Variants in SEC16A observed in about 807,000 individuals in gnomAD.
SEC16A encodes protein transport protein Sec16A.
A neutral mutation model predicts 221.9 loss-of-function variants in SEC16A; 110 were observed. The ratio of observed to expected loss-of-function variants is 0.50; its 90% CI spans 0.42 to 0.58. The LOEUF (loss-of-function observed/expected upper bound fraction) is 0.58, where lower values mean the gene tolerates loss of function less well. Ranked by LOEUF, SEC16A falls within the 20% of genes least tolerant of loss-of-function variation. The probability of loss-of-function intolerance (pLI) is 0.00; values close to 1 mark genes in which losing one functional copy is unlikely to be tolerated. For synonymous variants in SEC16A, 1,393 were observed against 1,257.7 expected (o/e 1.11, Z -2.28); for missense variants, 3,165 against 3,097.8 (o/e 1.02, Z -0.52).
At chr9:136,458,230 A>ATC (rs1403109832) in intron 17 of SEC16A, among the ~76,000 whole-genome samples, 5 of 151,484 alleles carry the variant, frequency 3.3e-5, no homozygotes, top group Non-Finnish European at 7.4e-5. Flanking sequence ...TGGCCTCCTA[A>ATC]AGTGCTGGGA....
chr9:136,473,963 CACT>C (rs1841256051), intron 3 of SEC16A, 83 bp downstream of exon 3: 1 of 1,412,162 alleles, frequency 7.1e-7, no homozygotes, highest in Non-Finnish European at 9.6e-7. Context: ...AGCGAACAAA[CACT>C]ACTAAGGAAT....
In SEC16A at chr9:136,451,294, C is replaced by T. The variant is rs747203873; in HGVS notation, c.6274G>A (p.Gly2092Arg). ...TTCGTTTCTTTCTTGGCTGCCTGTC[C>T]GGGTCTCTTTGTTTCGGGAGCGGGT... ...LSPAPETKRP[G>R]QAAKKETKEP... Residue 2092 changes from glycine to arginine, a missense_variant, in exon 23 of 32, where the codon GGA becomes AGA. Coordinates refer to ENST00000684901, the MANE Select transcript of SEC16A (RefSeq NM_014866.2). 18 of 1,613,052 alleles carry T rather than the reference C, an allele frequency of 1.1e-5. No individual in the cohort carries two copies. The highest frequency in any genetic ancestry group is 2.2e-5 in the East Asian group (1 of 44,878).
Position 136,451,415 on chromosome 9 carries a change from C to A in SEC16A, c.6160-7G>T, listed in dbSNP as rs1377183544. The A allele has an allele frequency of 6.3e-7, 1 of 1,588,354 alleles. No individual in the cohort carries two copies. ...GCACCGTCCTCGAGGGGGTCTGTCG[C>A]AAGGAAATGCAGAACAGGCTCTCCT... On this transcript the variant is annotated splice_region_variant and splice_polypyrimidine_tract_variant and intron_variant, in intron 22 of 31. Transcript: ENST00000684901.
intron 5 of SEC16A, among the ~76,000 whole-genome samples, chr9:136,467,406 TG>T (rs1840297500): frequency 6.6e-6 from 1 of 152,236 alleles, no homozygotes; most frequent in Non-Finnish European, 1.5e-5. Flanking sequence ...GGTCTTACTA[TG>T]TTTCGCAGGC....
chr9:136,462,328 A>T (rs1190672913), intron 12 of SEC16A, among the ~76,000 whole-genome samples: 1 of 152,086 alleles, frequency 6.6e-6, no homozygotes, highest in African/African-American at 2.4e-5. Flanking sequence ...TGCTGCAGTC[A>T]CTATGGACCC....
At position 136,451,350 on chromosome 9, in the gene SEC16A, G is replaced by A. The variant is rs768367463; in HGVS notation, c.6218C>T (p.Ser2073Leu). ...AGACAGAGGTGGCTGCGTGGGACCC[G>A]AGTCGGCACGATCCCACCCTGGGGG... is the stretch of plus-strand genomic sequence containing the variant. ...EAPPGWDRADSGPTQPPLSLS... is the reference protein window; with the variant it reads ...EAPPGWDRADLGPTQPPLSLS... The change falls in exon 23 of 32, where the codon TCG (serine) becomes TTG (leucine). Residue 2073 changes from serine (S) to leucine (L), a missense_variant. By Grantham distance (145) the Ser-to-Leu change is moderately radical. Coordinates refer to ENST00000684901, the MANE Select transcript of SEC16A (RefSeq NM_014866.2). The A allele has an allele frequency of 2.0e-5, 32 of 1,613,486 alleles. No homozygotes were observed. Among genetic ancestry groups the A allele is most frequent in the Non-Finnish European group, 1.9e-5 (23 of 1,179,748 alleles).
rs1589007601 is a variant in SEC16A, at chr9:136,475,846, C to T, written c.1770G>A (p.Gln590=). Residue 590 remains glutamine, a synonymous_variant, in exon 3 of 32, where the codon CAG becomes CAA. Coordinates refer to ENST00000684901, the MANE Select transcript of SEC16A (RefSeq NM_014866.2). This position sits in a 1 kb window ranked among gnomAD's most constrained non-coding sequence, Gnocchi z 5.0. ...GTTTCGGGGGGCTCGGGGTTGAGGG[C>T]TGGGACACGCTGCCACGGTAATTCT... The part of the protein sequence containing the change: ...VSQNYRGSVS[Q]PSTPSPPKPT... The T allele has an allele frequency of 6.3e-6, 10 of 1,588,632 alleles. No individual in the cohort carries two copies. Among genetic ancestry groups the T allele is most frequent in the Non-Finnish European group, 8.6e-6 (10 of 1,167,260 alleles).
rs149394899 is a variant in SEC16A at position 136,468,557 on chromosome 9, T to C, written c.3705-45A>G. ...TGTTAAAACACAAATTACCTATTTC[T>C]TAAAGTGTGACATCAGCCAATACAA... On this transcript the variant is annotated intron_variant, in intron 4 of 31. Coordinates refer to ENST00000684901, the MANE Select transcript of SEC16A (RefSeq NM_014866.2). The C allele has an allele frequency of 5.0e-3, 6,236 of 1,250,970 alleles. 59 individuals carry two copies. The highest frequency in any genetic ancestry group is 0.023 in the South Asian group (1,939 of 82,926). The allele number at this position is 1,250,970 out of a possible 1,614,324, so 77.5% of individuals were successfully genotyped here.
intron 22 of SEC16A, 69 bp downstream of exon 22, chr9:136,453,359 A>G: frequency 8.9e-7 from 1 of 1,123,836 alleles, no homozygotes; most frequent in Non-Finnish European, 1.3e-6. Context: ...ACAACTCAAC[A>G]AGGAGTCTGG....
intron 31 of SEC16A, among the ~76,000 whole-genome samples, chr9:136,442,323 C>G (rs1327978030): frequency 6.6e-6 from 1 of 152,266 alleles, no homozygotes; most frequent in Non-Finnish European, 1.5e-5. Flanking sequence ...ATCGACTAGT[C>G]TGGATGCTGA....
In SEC16A at chr9:136,462,970, T is replaced by C. The variant is rs1467196870; in HGVS notation, c.4810A>G (p.Thr1604Ala). The change falls in exon 12 of 32, where the codon ACT becomes GCT. Residue 1604 changes from threonine (T) to alanine (A), a missense_variant. Physicochemically the swap from Thr to Ala is moderately conservative, Grantham distance 58 (BLOSUM62 0). Transcript: ENST00000684901. ...CTGGCGGCAGCCGCCGGACCACCAG[T>C]GAGGAAAGAGAGCTGGGCCTCACCA... ...ESGEAQLSFL[T>A]GGPAAAASSL... The C allele has an allele frequency of 3.7e-6, 6 of 1,608,678 alleles. No individual in the cohort carries two copies. The highest frequency in any genetic ancestry group is 1.6e-4 in the Middle Eastern group (1 of 6,084).
At position 136,466,099 on chromosome 9, in the gene SEC16A, G is replaced by A. The variant is rs756423341; in HGVS notation, c.4166C>T (p.Ser1389Phe). ...GCCTGGAGGAAGCGGGGCCTCGTAG[G>A]AACCGGCAGCCACATTGTGGCTTCT... is the stretch of plus-strand genomic sequence containing the variant. ...IYRSHNVAAG[S>F]YEAPLPPGSF... The change falls in exon 8 of 32, where the codon TCC (serine) becomes TTC (phenylalanine). Residue 1389 changes from serine (S) to phenylalanine (F), a missense_variant. Ser to Phe is a radical substitution (Grantham distance 155). Transcript: ENST00000684901. The surrounding 1 kb of genome is among the most constrained non-coding windows in gnomAD (Gnocchi z 5.5). 3.1e-6 allele frequency: 5 copies of A among 1,606,748 alleles called. No individual in the cohort carries two copies. Among genetic ancestry groups the A allele is most frequent in the Non-Finnish European group, 2.6e-6 (3 of 1,175,648 alleles).
At position 136,451,415 on chromosome 9, in the gene SEC16A, C is replaced by T; in HGVS notation, c.6160-7G>A. The T allele has an allele frequency of 6.3e-7, 1 of 1,588,474 alleles. No individual in the cohort carries two copies. Among genetic ancestry groups the T allele is most frequent in the Non-Finnish European group, 8.6e-7 (1 of 1,169,448 alleles). The stretch of plus-strand genomic sequence containing the variant: ...GCACCGTCCTCGAGGGGGTCTGTCG[C>T]AAGGAAATGCAGAACAGGCTCTCCT... On this transcript the variant is annotated splice_region_variant and splice_polypyrimidine_tract_variant and intron_variant, in intron 22 of 31. Coordinates refer to ENST00000684901, the MANE Select transcript of SEC16A (RefSeq NM_014866.2).
Position 136,440,644 on chromosome 9 carries a change from C to CT in SEC16A, c.*1110dup, listed in dbSNP as rs1836091203. On this transcript the variant is annotated 3_prime_UTR_variant, in exon 32 of 32. Coordinates refer to ENST00000684901, the MANE Select transcript of SEC16A (RefSeq NM_014866.2). The stretch of plus-strand genomic sequence containing the variant: ...TGCATCAGTGAGAGGAGGCCCGTCT[C>CT]TGAGTTGAACAGGGTTGAGTCCACC... 1 of 152,566 alleles carries CT rather than the reference C, an allele frequency of 6.6e-6. No homozygotes were observed. Among genetic ancestry groups the CT allele is most frequent in the Admixed American group, 6.5e-5 (1 of 15,282 alleles). The allele number at this position is 152,566 out of a possible 1,614,324, so 9.5% of individuals were successfully genotyped here. A position where few individuals can be genotyped will look rare whatever the true frequency, so the allele number is the denominator to read the frequency against.
At chr9:136,441,858 C>G in intron 31 of SEC16A, 35 bp from the exon 32 acceptor site, 2 of 1,585,584 alleles carry the variant, frequency 1.3e-6, no homozygotes, top group South Asian at 2.2e-5. Context: ...CTCTGCATGC[C>G]TGCCCCCAGG....
intron 1 of SEC16A, among the ~76,000 whole-genome samples, chr9:136,479,333 GGAGGACTCTGTA>G (rs1240740744): frequency 6.6e-6 from 1 of 152,130 alleles, no homozygotes; most frequent in African/African-American, 2.4e-5. Context: ...AAACCAAAGG[GGAGGACTCTGTA>G]GTTTAATCCA....
At chr9:136,469,239 G>C (rs1564514471) in intron 4 of SEC16A, among the ~76,000 whole-genome samples, 1 of 152,084 alleles carries the variant, frequency 6.6e-6, no homozygotes, top group African/African-American at 2.4e-5. Flanking sequence ...ACCCGTGCAG[G>C]GTACCCCCGT....
At position 136,474,771 on chromosome 9, in the gene SEC16A, T is replaced by C. The variant is rs1248764362; in HGVS notation, c.2845A>G (p.Ser949Gly). The C allele has an allele frequency of 6.2e-7, 1 of 1,613,916 alleles. No homozygotes were observed. The highest frequency in any genetic ancestry group is 2.2e-5 in the East Asian group (1 of 44,878). The change falls in exon 3 of 32, where the codon AGT becomes GGT. Residue 949 changes from serine to glycine, a missense_variant. This residue lies in a region of SEC16A where 2,030 missense variants were observed against 1,923.1 expected (regional missense o/e 1.06). Transcript: ENST00000684901. ...PESQKDRKAG[S>G]ALPGFANSPA... ...CTATTAGCAAATCCGGGAAGAGCAC[T>C]TCCTGCCTTACGATCCTTTTGACTT...
At chr9:136,463,810 A>C in intron 9 of SEC16A, 70 bp from the exon 10 acceptor site, 1 of 1,547,658 alleles carries the variant, frequency 6.5e-7, no homozygotes, top group Non-Finnish European at 8.9e-7. Context: ...CGGCCAACCC[A>C]GGCACGGATG....
Sources: gnomAD v4.1 joint callset for allele counts (sites outside exome capture counted in the v4.1 genomes callset) on GRCh38, gnomAD v4.1.1 for gene constraint, gnomAD v4.1.1 regional missense constraint, Gnocchi (gnomAD v3.1) non-coding constraint, MANE v1.5 for transcripts, NCBI Gene and HGNC (gene_info 2026-07-23, HGNC 2026-07-21) for gene names.